YEATS2: variants seen among roughly 807,000 people sequenced by gnomAD.
The protein encoded by YEATS2 is YEATS domain-containing protein 2.
A neutral mutation model predicts 163.2 loss-of-function variants in YEATS2; 77 were observed. The ratio of observed to expected loss-of-function variants is 0.47; its 90% confidence interval spans 0.39 to 0.57. The LOEUF is 0.57. Ranked by LOEUF, YEATS2 falls within the 20% of genes least tolerant of loss-of-function variation. The probability of loss-of-function intolerance (pLI) is 0.00; values close to 1 mark genes in which losing one functional copy is unlikely to be tolerated. For missense variants in YEATS2, 1,549 were observed against 1,729.8 expected, an observed-to-expected ratio of 0.90 and a Z score of 1.85; for synonymous variants, 631 against 645.1, an observed-to-expected ratio of 0.98 and a Z score of 0.33.
At chr3:183,774,940 C>A (rs1396225070) in intron 17 of YEATS2, among the ~76,000 whole-genome samples, 2 of 152,050 alleles carry the variant, frequency 1.3e-5, no homozygotes, top group Non-Finnish European at 2.9e-5. Context: ...CTTGTGATAT[C>A]CTTGGTGCAA....
chr3:183,717,355 T>C (rs1184335951), intron 2 of YEATS2, among the ~76,000 whole-genome samples: 1 of 152,226 alleles, frequency 6.6e-6, no homozygotes, highest in Non-Finnish European at 1.5e-5. Context: ...CCAATAATTT[T>C]ATAGAATGTC....
At chr3:183,742,692 A>C (rs564213747) in intron 8 of YEATS2, among the ~76,000 whole-genome samples, 117 of 152,376 alleles carry the variant, frequency 7.7e-4, no homozygotes, top group African/African-American at 2.6e-3. Flanking sequence ...AAACTTACTT[A>C]ATAAAGCAGC....
chr3:183,698,669 T>G (rs1177100110), intron 1 of YEATS2, among the ~76,000 whole-genome samples: 2 of 152,234 alleles, frequency 1.3e-5, no homozygotes, highest in Non-Finnish European at 2.9e-5. Flanking sequence ...ACACATCATT[T>G]TTTTTTAGTT....
At chr3:183,747,168 T>A (rs1164535731) in intron 8 of YEATS2, among the ~76,000 whole-genome samples, 1 of 152,168 alleles carries the variant, frequency 6.6e-6, no homozygotes, top group Non-Finnish European at 1.5e-5. Context: ...TTCTTTTTTT[T>A]AAGTGCTTAG....
chr3:183,713,977 G>A (rs926151936), intron 1 of YEATS2, among the ~76,000 whole-genome samples: 15 of 151,372 alleles, frequency 9.9e-5, no homozygotes, highest in African/African-American at 3.6e-4. Context: ...GCTAATTTTT[G>A]TAGTTTTAGT....
At chr3:183,700,362 C>G (rs1417694107) in intron 1 of YEATS2, among the ~76,000 whole-genome samples, 1 of 152,090 alleles carries the variant, frequency 6.6e-6, no homozygotes, top group Non-Finnish European at 1.5e-5. Flanking sequence ...CCTGTATTTT[C>G]TTAGAATAGA....
intron 19 of YEATS2, among the ~76,000 whole-genome samples, chr3:183,779,018 C>T (rs189803376): frequency 4.7e-4 from 71 of 152,116 alleles, no homozygotes; most frequent in African/African-American, 1.5e-3. Context: ...TCAAGCAGTT[C>T]GCCTGCCTCA....
At chr3:183,739,215 C>T (rs1027677241) in intron 8 of YEATS2, among the ~76,000 whole-genome samples, 85 of 151,858 alleles carry the variant, frequency 5.6e-4, no homozygotes, top group Admixed American at 6.6e-4. Context: ...AAAACCCCAT[C>T]GTCTCAGCCC....
rs1256850359 is a variant in YEATS2 at position 183,803,544 on chromosome 3, C to G, written c.3582+209C>G. 25 of 597,528 alleles carry G rather than the reference C, an allele frequency of 4.2e-5. No homozygotes were observed. The East Asian group carries it at 6.9e-4, about 16-fold the overall frequency. 37.0% of individuals were successfully genotyped at this position (597,528 alleles called of 1,614,324 possible). ...CTGGCAGAAACATCCCTCACAGTTT[C>G]TAAATTTTTTTCTGAGTTTCAGAGT... On this transcript the variant is annotated intron_variant, in intron 26 of 30. Coordinates refer to ENST00000305135, the MANE Select transcript of YEATS2 (RefSeq NM_018023.5).
rs1720808469 is a variant in YEATS2 at position 183,756,688 on chromosome 3, A to G, written c.1551A>G (p.Thr517=). Residue 517 remains threonine (T), a splice_region_variant and synonymous_variant, in exon 12 of 31, where the codon ACA becomes ACG. Transcript: ENST00000305135. ...GQVIGATTPS[T]GSPTNKISTA... ...TGATTGGAGCCACCACTCCCAGTAC[A>G]GGTGTGTATTAGATCCATATTTGTA... 1.3e-6 allele frequency: 2 copies of G among 1,559,686 alleles called. No homozygotes were observed. The highest frequency in any genetic ancestry group is 2.5e-5 in the South Asian group (2 of 80,282).
intron 7 of YEATS2, among the ~76,000 whole-genome samples, chr3:183,733,244 C>G (rs1375507401): frequency 1.3e-5 from 2 of 152,230 alleles, no homozygotes; most frequent in Non-Finnish European, 2.9e-5. Context: ...GATCTAACTT[C>G]CTCTAACTTC....
intron 11 of YEATS2, 102 bp downstream of exon 11, chr3:183,754,467 C>A: frequency 6.9e-7 from 1 of 1,456,776 alleles, no homozygotes; most frequent in Non-Finnish European, 9.1e-7. Context: ...TTAAGTTCTT[C>A]TAAGCAGTGT....
chr3:183,714,907 T>A (rs1186737931), intron 1 of YEATS2, among the ~76,000 whole-genome samples: 1 of 151,778 alleles, frequency 6.6e-6, no homozygotes, highest in Admixed American at 6.5e-5. Flanking sequence ...CAGATGATTA[T>A]GATTTCTTTT....
At chr3:183,790,727 C>T (rs1210834337) in intron 20 of YEATS2, 70 bp from the exon 21 acceptor site, 27 of 1,542,392 alleles carry the variant, frequency 1.8e-5, no homozygotes, top group South Asian at 8.3e-5. Context: ...GCTGTGTGGC[C>T]GTCACCGCCG....
intron 21 of YEATS2, among the ~76,000 whole-genome samples, chr3:183,791,759 T>C (rs1411798286): frequency 6.6e-6 from 1 of 152,206 alleles, no homozygotes; most frequent in Non-Finnish European, 1.5e-5. Flanking sequence ...TCTTGGCTAG[T>C]GTTAGAGTGA....
chr3:183,747,840 C>T (rs1719716680), intron 9 of YEATS2, 124 bp downstream of exon 9: 1 of 773,892 alleles, frequency 1.3e-6, no homozygotes, highest in African/African-American at 1.7e-5. Flanking sequence ...AGTGCAGTGG[C>T]ATGATCTCGG....
intron 14 of YEATS2, 115 bp downstream of exon 14, chr3:183,761,729 T>G: frequency 1.1e-6 from 1 of 939,450 alleles, no homozygotes; most frequent in South Asian, 1.5e-5. Flanking sequence ...AACTCCTCAT[T>G]CTGAGACGTG....
intron 15 of YEATS2, among the ~76,000 whole-genome samples, chr3:183,771,946 C>T (rs944070773): frequency 3.3e-5 from 5 of 151,890 alleles, no homozygotes; most frequent in Non-Finnish European, 5.9e-5. Flanking sequence ...AGGCTGGTCT[C>T]GAACTCCTGA....
intron 6 of YEATS2, among the ~76,000 whole-genome samples, chr3:183,725,768 C>T (rs1186500579): frequency 6.6e-6 from 1 of 152,180 alleles, no homozygotes; most frequent in Non-Finnish European, 1.5e-5. Context: ...ACCATATCGG[C>T]CATTTACTTG....
Sources: gnomAD v4.1 joint callset for allele counts (sites outside exome capture counted in the v4.1 genomes callset) on GRCh38, gnomAD v4.1.1 for gene constraint, MANE v1.5 for transcripts, NCBI Gene and HGNC (gene_info 2026-07-23, HGNC 2026-07-21) for gene names.